PLEKHH3: variants seen among roughly 807,000 people sequenced by gnomAD.
PLEKHH3 encodes pleckstrin homology domain-containing family H member 3.
PLEKHH3 carries 57 observed loss-of-function variants against 77.8 expected under a neutral mutation model. The observed-to-expected ratio is 0.73, with a 90% CI of 0.59 to 0.91. PLEKHH3 has a LOEUF of 0.91. PLEKHH3 is among the 40% of genes least tolerant of loss of function. The probability of loss-of-function intolerance (pLI) is 0.00; values close to 1 mark genes in which losing one functional copy is unlikely to be tolerated. For missense variants in PLEKHH3, 1,082 were observed against 1,091.2 expected (o/e 0.99, Z 0.12); for synonymous variants, 467 against 504.8 (o/e 0.93, Z 1.00).
rs574740853 is a variant in PLEKHH3 at position 42,676,082 on chromosome 17, G to T, written c.162+320C>A. 8.3e-7 allele frequency: 1 copy of T among 1,210,182 alleles called. No individual in the cohort carries two copies. The highest frequency in any genetic ancestry group is 4.3e-5 in the Admixed American group (1 of 23,462). 75.0% of individuals were successfully genotyped at this position (1,210,182 alleles called of 1,614,324 possible). On this transcript the variant is annotated intron_variant, in intron 1 of 12. Coordinates refer to ENST00000591022, the MANE Select transcript of PLEKHH3 (RefSeq NM_024927.5). This position sits in a 1 kb window ranked among gnomAD's most constrained non-coding sequence, Gnocchi z 6.6. ...GCCACATTCCTCGGCGCTGGCGGAGGCGGAAGGAGACGGGATGGGACGCGG... is the reference window on the plus strand; with the variant it reads ...GCCACATTCCTCGGCGCTGGCGGAGTCGGAAGGAGACGGGATGGGACGCGG...
chr17:42,673,357 G>A (rs1375822400), intron 5 of PLEKHH3, 42 bp downstream of exon 5: 2 of 1,609,950 alleles, frequency 1.2e-6, no homozygotes. Flanking sequence ...ACCCCAGAAA[G>A]CTTTGGGGTC....
rs1246237171 is a variant in PLEKHH3 at position 42,673,948 on chromosome 17, T to TCCG, written c.281_283dup (p.Pro94_Asp95insAla). On this transcript the variant is annotated inframe_insertion, in exon 3 of 13. Transcript: ENST00000591022. ...GGGGTCTCTACCTTTCACAACGATGTCCGGGTCGTCCTCCGGCAGCCCTTT... is the reference window on the plus strand; with the variant it reads ...GGGGTCTCTACCTTTCACAACGATGTCCGCCGGGTCGTCCTCCGGCAGCCCTTT... 3 of 1,613,448 alleles carry TCCG rather than the reference T, an allele frequency of 1.9e-6. No homozygotes were observed. The highest frequency in any genetic ancestry group is 2.5e-6 in the Non-Finnish European group (3 of 1,179,906).
chr17:42,669,834 G>A (rs537969744), intron 11 of PLEKHH3, 84 bp downstream of exon 11: 101 of 1,568,340 alleles, frequency 6.4e-5, no homozygotes, highest in Non-Finnish European at 7.3e-5. Flanking sequence ...GGGGAATTAC[G>A]TGACACTCCG....
chr17:42,669,547 C>T lies in PLEKHH3; in HGVS notation c.2088G>A (p.Gly696=). ...GAKAMSLSRP[G]ETEPIHSVSY... Reference sequence around the variant, plus strand: ...TGACACTGTGGATGGGCTCCGTCTCCCCTGGCCGGGAGAGGGACATGGCCT... The same window carrying T: ...TGACACTGTGGATGGGCTCCGTCTCTCCTGGCCGGGAGAGGGACATGGCCT... Residue 696 remains glycine, a synonymous_variant, in exon 12 of 13, where the codon GGG becomes GGA. Transcript: ENST00000591022. The T allele has an allele frequency of 6.2e-7, 1 of 1,612,140 alleles. No homozygotes were observed.
rs746206176 is a variant in PLEKHH3 at position 42,673,670 on chromosome 17, C to G, written c.463G>C (p.Gly155Arg). The G allele has an allele frequency of 6.2e-6, 10 of 1,602,422 alleles. No individual in the cohort carries two copies. The highest frequency in any genetic ancestry group is 8.5e-6 in the Non-Finnish European group (10 of 1,179,904). Residue 155 changes from glycine (G) to arginine (R), a missense_variant, in exon 4 of 13, where the codon GGC (glycine) becomes CGC (arginine). By Grantham distance (125) the Gly-to-Arg change is moderately radical. This residue lies in a region of PLEKHH3 where 344 missense variants were observed against 320.8 expected (regional missense o/e 1.07). Transcript: ENST00000591022. ...GTCTCCTTACGCCTGCGCTCTGGGC[C>G]GGTCACCGAGCACAGGCTGGTGAGC... Reference protein sequence around the residue: ...LVLTSLCSVTGPERRRKETGL... With the variant: ...LVLTSLCSVTRPERRRKETGL...
rs1410511325 is a variant in PLEKHH3 at position 42,671,406 on chromosome 17, C to G, written c.1229G>C (p.Cys410Ser). The G allele has an allele frequency of 6.2e-7, 1 of 1,613,168 alleles. No homozygotes were observed. The highest frequency in any genetic ancestry group is 8.5e-7 in the Non-Finnish European group (1 of 1,180,024). ...QRQELLCTVH[C>S]PGAGACAVAI... is the part of the protein sequence containing the mutation. ...CACAGCACAGGCACCAGCCCCCGGACAGTGCACGGTACACAGCAGCTCCTG... is the reference window on the plus strand; with the variant it reads ...CACAGCACAGGCACCAGCCCCCGGAGAGTGCACGGTACACAGCAGCTCCTG... The change falls in exon 8 of 13, where the codon TGT (cysteine) becomes TCT (serine). Residue 410 changes from cysteine to serine, a missense_variant. Transcript: ENST00000591022. The surrounding 1 kb of genome is among the most constrained non-coding windows in gnomAD (Gnocchi z 4.7).
intron 6 of PLEKHH3, among the ~76,000 whole-genome samples, chr17:42,672,867 C>T (rs1430865687): frequency 6.6e-6 from 1 of 152,082 alleles, no homozygotes; most frequent in Non-Finnish European, 1.5e-5. Context: ...GCTTTTCTAC[C>T]ACTTGTAAAG....
rs770706748 is a variant in PLEKHH3, at chr17:42,669,910, C to T, written c.2013+8G>A. 6.2e-7 allele frequency: 1 copy of T among 1,613,440 alleles called. No individual in the cohort carries two copies. The highest frequency in any genetic ancestry group is 8.5e-7 in the Non-Finnish European group (1 of 1,179,866). ...CGCCAGAGTCCCCTTCTCCCTTCTC[C>T]CCCTCACCGTGCTCAGCTCCAGAAC... On this transcript the variant is annotated splice_region_variant and intron_variant, in intron 11 of 12. Transcript: ENST00000591022.
chr17:42,669,978 G>C lies in PLEKHH3; in HGVS notation c.1953C>G (p.Ala651=), dbSNP rs774191221. The C allele has an allele frequency of 1.1e-5, 17 of 1,611,648 alleles. No homozygotes were observed. Among genetic ancestry groups the C allele is most frequent in the Non-Finnish European group, 1.4e-5 (17 of 1,179,580 alleles). Residue 651 remains alanine (A), a synonymous_variant, in exon 11 of 13, where the codon GCC becomes GCG. Transcript: ENST00000591022. ...CGAACCCCGGACACTGCGCCGCCAG[G>C]GCCAGGTAGGCGGCCATGGCCTCAG... ...GRAEAMAAYL[A]LAAQCPGFGA...
chr17:42,670,793 G>A, intron 9 of PLEKHH3, 88 bp from the exon 10 acceptor site: 2 of 1,531,630 alleles, frequency 1.3e-6, no homozygotes, highest in Non-Finnish European at 1.8e-6. Context: ...CCATGTGTTT[G>A]GGGCGGGGCC....
intron 11 of PLEKHH3, 145 bp downstream of exon 11, chr17:42,669,773 C>T (rs1251270619): frequency 1.3e-6 from 2 of 1,505,358 alleles, no homozygotes; most frequent in Non-Finnish European, 1.8e-6. Context: ...GATGTGAGGG[C>T]CCAAGGGCTG....
chr17:42,675,660 C>A (rs2052806644), intron 1 of PLEKHH3, among the ~76,000 whole-genome samples: 1 of 152,164 alleles, frequency 6.6e-6, no homozygotes. Flanking sequence ...CGGGCCACAG[C>A]ACACGGGAGT....
chr17:42,673,800 C>T lies in PLEKHH3; in HGVS notation c.333G>A (p.Ala111=). 6.9e-6 allele frequency: 11 copies of T among 1,588,886 alleles called. No individual in the cohort carries two copies. Among genetic ancestry groups the T allele is most frequent in the Non-Finnish European group, 9.4e-6 (11 of 1,173,296 alleles). The change falls in exon 4 of 13, where the codon GCG becomes GCA. Residue 111 remains alanine (A), a synonymous_variant. Coordinates refer to ENST00000591022, the MANE Select transcript of PLEKHH3 (RefSeq NM_024927.5). ...CTCGGCGCGGGGGCAGCCAGGGCCG[C>T]GCCCCTCCTCCGCGGGGCTCCCGGT... ...WLYREPRGGG[A]RPWLPPRRAW...
chr17:42,671,279 G>T lies in PLEKHH3; in HGVS notation c.1284+72C>A. On this transcript the variant is annotated intron_variant, in intron 8 of 12. Transcript: ENST00000591022. The surrounding 1 kb of genome is among the most constrained non-coding windows in gnomAD (Gnocchi z 4.7). ...AGACTCGGGGCAAACCTAGGGTCCAGGAAGAGGGAGAGACAGGCGTGAGAA... is the reference window on the plus strand; with the variant it reads ...AGACTCGGGGCAAACCTAGGGTCCATGAAGAGGGAGAGACAGGCGTGAGAA... The T allele has an allele frequency of 6.4e-7, 1 of 1,571,696 alleles. No homozygotes were observed. The highest frequency in any genetic ancestry group is 2.3e-5 in the East Asian group (1 of 44,162).
chr17:42,676,105 C>T lies in PLEKHH3; in HGVS notation c.162+297G>A. 7.9e-7 allele frequency: 1 copy of T among 1,261,784 alleles called. No individual in the cohort carries two copies. The highest frequency in any genetic ancestry group is 2.2e-5 in the South Asian group (1 of 45,932). 78.2% of individuals were successfully genotyped at this position (1,261,784 alleles called of 1,614,324 possible). A position where few individuals can be genotyped will look rare whatever the true frequency, so the allele number is the denominator to read the frequency against. On this transcript the variant is annotated intron_variant, in intron 1 of 12. Coordinates refer to ENST00000591022, the MANE Select transcript of PLEKHH3 (RefSeq NM_024927.5). The surrounding 1 kb of genome is among the most constrained non-coding windows in gnomAD (Gnocchi z 6.6). The stretch of plus-strand genomic sequence containing the variant: ...AGGCGGAAGGAGACGGGATGGGACG[C>T]GGGCCCAGCGGGGAAGGGAGAGGCA...
chr17:42,670,656 T>C lies in PLEKHH3; in HGVS notation c.1471A>G (p.Arg491Gly), dbSNP rs200595069. ...GLEDSPDSGW[R>G]LCLRLHGPLH... ...GGTCCGTGAAGACGCAGACATAGTC[T>C]CCACCCGGAGTCGGGCGAGTCCTCC... The change falls in exon 10 of 13, where the codon AGA becomes GGA. Residue 491 changes from arginine (R) to glycine (G), a missense_variant. Physicochemically the swap from Arg to Gly is moderately radical, Grantham distance 125. Transcript: ENST00000591022. 6.2e-7 allele frequency: 1 copy of C among 1,613,106 alleles called. No homozygotes were observed. Among genetic ancestry groups the C allele is most frequent in the East Asian group, 2.2e-5 (1 of 44,856 alleles).
chr17:42,673,887 G>A (rs369081805), intron 3 of PLEKHH3, 47 bp downstream of exon 3: 13 of 1,609,242 alleles, frequency 8.1e-6, no homozygotes, highest in Admixed American at 1.7e-5. Context: ...TAATCCCTAG[G>A]GGGTTGGGAT....
chr17:42,674,489 C>A, intron 1 of PLEKHH3, 80 bp from the exon 2 acceptor site: 1 of 1,282,566 alleles, frequency 7.8e-7, no homozygotes, highest in Non-Finnish European at 1.0e-6. Context: ...CAGGACAGGG[C>A]TGCTCAGGGG....
At chr17:42,674,718 T>G in intron 1 of PLEKHH3, 9 of 314,794 alleles carry the variant, frequency 2.9e-5, no homozygotes, top group Middle Eastern at 8.3e-4. Flanking sequence ...TGGGTTCCAA[T>G]TCCCGCCCCA....
Sources: gnomAD v4.1 joint callset for allele counts (sites outside exome capture counted in the v4.1 genomes callset) on GRCh38, gnomAD v4.1.1 for gene constraint, gnomAD v4.1.1 regional missense constraint, Gnocchi (gnomAD v3.1) non-coding constraint, MANE v1.5 for transcripts, NCBI Gene and HGNC (gene_info 2026-07-23, HGNC 2026-07-21) for gene names.